Variants in MCPH1 observed in about 807,000 individuals in gnomAD.
The protein encoded by MCPH1 is microcephalin 1.
Under a neutral mutation model 84.5 loss-of-function variants are expected in MCPH1, and 104 were observed. The ratio of observed to expected loss-of-function variants is 1.23; its 90% confidence interval spans 1.05 to 1.45. The LOEUF is 1.45. Ranked by LOEUF, MCPH1 falls within the 40% of genes most tolerant of loss-of-function variation. The probability of loss-of-function intolerance (pLI) is 0.00; values close to 1 mark genes in which losing one functional copy is unlikely to be tolerated. For missense variants in MCPH1, 1,498 were observed against 1,005.7 expected (o/e 1.49, Z -6.62); for synonymous variants, 514 against 366.8 (o/e 1.40, Z -4.58).
At chr8:6,617,952 T>C (rs1248114493) in intron 12 of MCPH1, among the ~76,000 whole-genome samples, 1 of 152,134 alleles carries the variant, frequency 6.6e-6, no homozygotes, top group Non-Finnish European at 1.5e-5. Context: ...TCTTTCTATC[T>C]ATCTAGATGG....
chr8:6,627,205 G>A (rs1056475142), intron 13 of MCPH1: 2 of 985,280 alleles, frequency 2.0e-6, no homozygotes, highest in Admixed American at 6.1e-5. Flanking sequence ...AGGCCTTCGG[G>A]CTTCCTGATT....
At chr8:6,539,647 C>T (rs560624529) in intron 12 of MCPH1, among the ~76,000 whole-genome samples, 11 of 152,232 alleles carry the variant, frequency 7.2e-5, no homozygotes, top group African/African-American at 2.2e-4. Context: ...AGTGCAGCGG[C>T]GTGATCTTGG....
intron 12 of MCPH1, among the ~76,000 whole-genome samples, chr8:6,551,907 T>C (rs1246451231): frequency 6.6e-6 from 1 of 152,214 alleles, no homozygotes; most frequent in Non-Finnish European, 1.5e-5. Flanking sequence ...AAGCTACATC[T>C]GTATGTAATA....
intron 2 of MCPH1, among the ~76,000 whole-genome samples, chr8:6,412,278 A>G (rs1043408082): frequency 1.3e-5 from 2 of 152,196 alleles, no homozygotes; most frequent in African/African-American, 4.8e-5. Context: ...TTTACTTGGG[A>G]TGAGGAGGAA....
At chr8:6,446,931 G>A (rs1481471875) in intron 8 of MCPH1, 4 of 985,198 alleles carry the variant, frequency 4.1e-6, no homozygotes, top group African/African-American at 1.7e-5. Flanking sequence ...GGGGTGAGGG[G>A]CCAGCACTAG....
chr8:6,478,777 C>G (rs140252938), intron 10 of MCPH1, among the ~76,000 whole-genome samples: 7 of 151,972 alleles, frequency 4.6e-5, no homozygotes, highest in African/African-American at 1.5e-4. Flanking sequence ...TTATTTCTTT[C>G]CAAGTTTAAT....
At chr8:6,445,634 T>G in intron 8 of MCPH1, 87 bp downstream of exon 8, 2 of 1,496,524 alleles carry the variant, frequency 1.3e-6, no homozygotes, top group Non-Finnish European at 1.8e-6. Context: ...AACTTTTTCA[T>G]AACTTATTTC....
At chr8:6,548,431 C>A (rs1464191099) in intron 12 of MCPH1, among the ~76,000 whole-genome samples, 2 of 152,196 alleles carry the variant, frequency 1.3e-5, no homozygotes, top group African/African-American at 4.8e-5. Context: ...ATCCTCATCT[C>A]AACCATTATC....
At chr8:6,421,073 C>T (rs929164696) in intron 3 of MCPH1, among the ~76,000 whole-genome samples, 1 of 152,192 alleles carries the variant, frequency 6.6e-6, no homozygotes, top group African/African-American at 2.4e-5. Flanking sequence ...GGGCTGCCCG[C>T]ATGCACAGTG....
At chr8:6,540,594 G>C (rs1463735203) in intron 12 of MCPH1, among the ~76,000 whole-genome samples, 1 of 152,210 alleles carries the variant, frequency 6.6e-6, no homozygotes, top group East Asian at 1.9e-4. Context: ...GACGTTGTCA[G>C]GCCACGTCTG....
chr8:6,628,108 C>T (rs766939977), intron 13 of MCPH1, among the ~76,000 whole-genome samples: 23 of 152,048 alleles, frequency 1.5e-4, no homozygotes, highest in Non-Finnish European at 2.8e-4. Flanking sequence ...GTTGGGTCCC[C>T]GTCGTTAAAC....
At chr8:6,509,511 C>A (rs1273640689) in intron 12 of MCPH1, among the ~76,000 whole-genome samples, 1 of 152,140 alleles carries the variant, frequency 6.6e-6, no homozygotes, top group Non-Finnish European at 1.5e-5. Flanking sequence ...GGAATGGCCA[C>A]TGAGTTTGGG....
rs963117400 is a variant in MCPH1, at chr8:6,445,115, G to C, written c.1393G>C (p.Gly465Arg). Residue 465 changes from glycine (G) to arginine (R), a missense_variant, in exon 8 of 14, where the codon GGC becomes CGC. Physicochemically the swap from Gly to Arg is moderately radical, Grantham distance 125. Coordinates refer to ENST00000344683, the MANE Select transcript of MCPH1 (RefSeq NM_024596.5). ...TGAAATGTCTGATTTTTCCTGCGTT[G>C]GCAAAAAAACCAGAACAGTTGACAT... ...IFEMSDFSCVGKKTRTVDITN... is the reference protein window; with the variant it reads ...IFEMSDFSCVRKKTRTVDITN... 1.2e-5 allele frequency: 20 copies of C among 1,614,118 alleles called. No individual in the cohort carries two copies. Among genetic ancestry groups the C allele is most frequent in the Non-Finnish European group, 1.7e-5 (20 of 1,180,004 alleles).
intron 9 of MCPH1, among the ~76,000 whole-genome samples, chr8:6,471,546 T>C (rs144268070): frequency 6.6e-6 from 1 of 152,308 alleles, no homozygotes; most frequent in African/African-American, 2.4e-5. Context: ...AAAGGGTTCC[T>C]TATGTATCCA....
intron 9 of MCPH1, among the ~76,000 whole-genome samples, chr8:6,465,993 C>T (rs1040836962): frequency 2.6e-5 from 4 of 151,608 alleles, no homozygotes; most frequent in South Asian, 2.1e-4. Context: ...CTCGCTCTGT[C>T]GCCCAGGCTG....
At chr8:6,637,693 A>T in intron 13 of MCPH1, among the ~76,000 whole-genome samples, 1 of 152,154 alleles carries the variant, frequency 6.6e-6, no homozygotes, top group East Asian at 1.9e-4. Context: ...GAGTCTCCCA[A>T]TGTTGCCCAG....
At chr8:6,592,653 G>GTTGTTTGTTTGTT (rs61125955) in intron 12 of MCPH1, among the ~76,000 whole-genome samples, 1,612 of 52,000 alleles carry the variant, frequency 0.031, 49 homozygotes, top group African/African-American at 0.11. Context: ...TGTTGCTGTT[G>GTTGTTTGTTTGTT]TTGTTTGTTT....
In MCPH1 at chr8:6,499,800, C is replaced by A. The variant is rs372082654; in HGVS notation, c.2137-52C>A. 1.3e-5 allele frequency: 19 copies of A among 1,512,514 alleles called. No individual in the cohort carries two copies. The African/African-American group carries it at 1.8e-4, about 14-fold the overall frequency. 93.7% of individuals were successfully genotyped at this position (1,512,514 alleles called of 1,614,324 possible). A position where few individuals can be genotyped will look rare whatever the true frequency, so the allele number is the denominator to read the frequency against. On this transcript the variant is annotated intron_variant, in intron 11 of 13. Coordinates refer to ENST00000344683, the MANE Select transcript of MCPH1 (RefSeq NM_024596.5). ...CTTCAAAGTGATTCTTGGTTTATTGCCTGCTAAGGCTAATAAATGTATAAT... is the reference window on the plus strand; with the variant it reads ...CTTCAAAGTGATTCTTGGTTTATTGACTGCTAAGGCTAATAAATGTATAAT...
chr8:6,424,941 CAAAAAAGATTAATGTACT>C (rs1800839284), intron 3 of MCPH1, among the ~76,000 whole-genome samples: 2 of 152,112 alleles, frequency 1.3e-5, no homozygotes, highest in Admixed American at 1.3e-4. Flanking sequence ...GTGCCGTTTA[CAAAAAAGATTAATGTACT>C]TTTCCTGAAT....
Sources: allele counts gnomAD v4.1 joint callset (sites outside exome capture counted in the v4.1 genomes callset), GRCh38; gene constraint gnomAD v4.1.1; transcripts MANE v1.5; gene names NCBI Gene and HGNC (gene_info 2026-07-23, HGNC 2026-07-21).